FGGY: variants seen among roughly 807,000 people sequenced by gnomAD.
FGGY encodes the protein FGGY carbohydrate kinase domain containing.
FGGY carries 72 observed loss-of-function variants against 71.3 expected under a neutral mutation model. That is an observed-to-expected ratio of 1.01 (90% CI 0.84 to 1.23). The LOEUF (loss-of-function observed/expected upper bound fraction) is 1.23, where lower values mean the gene tolerates loss of function less well. Among genes scored for constraint, FGGY ranks in the 50% most tolerant of loss-of-function variants. The pLI, the probability that FGGY is intolerant of heterozygous loss-of-function variation, is 0.00. For missense variants in FGGY, 668 were observed against 682.3 expected, an observed-to-expected ratio of 0.98 and a Z score of 0.23; for synonymous variants, 251 against 250.3, an observed-to-expected ratio of 1.00 and a Z score of -0.02.
In FGGY at chr1:59,312,113, T is replaced by G. The variant is rs1570126256; in HGVS notation, c.-14-9423T>G. Among the ~76,000 whole-genome samples the G allele has an allele frequency of 8.5e-5, 13 of 152,356 alleles. No individual in the cohort carries two copies. The South Asian group carries it at 2.7e-3, about 32-fold the overall frequency. On this transcript the variant is annotated intron_variant, in intron 1 of 15. Transcript: ENST00000303721. Reference sequence around the variant, plus strand: ...TTGATGGGGTTGTTTCTTTTTGTCTTGCAAATTTGTTTAAGTTCCTTGTAA... The same window carrying G: ...TTGATGGGGTTGTTTCTTTTTGTCTGGCAAATTTGTTTAAGTTCCTTGTAA...
At position 59,671,260 on chromosome 1, in the gene FGGY, C is replaced by T. The variant is rs559120597; in HGVS notation, c.1418-2779C>T. Among the ~76,000 whole-genome samples, 532 of 152,316 alleles carry T rather than the reference C, an allele frequency of 3.5e-3. 1 individual carries two copies. The highest frequency in any genetic ancestry group is 0.012 in the African/African-American group (519 of 41,566). ...GGTCCAGGCAGGGAACAGATACACACTCCAGTTAGGTTAACCGGAGGGAAG... is the reference window on the plus strand; with the variant it reads ...GGTCCAGGCAGGGAACAGATACACATTCCAGTTAGGTTAACCGGAGGGAAG... On this transcript the variant is annotated intron_variant, in intron 13 of 15. Coordinates refer to ENST00000303721, the MANE Select transcript of FGGY (RefSeq NM_018291.5).
chr1:59,590,220 C>T (rs538104102), intron 8 of FGGY, among the ~76,000 whole-genome samples: 49 of 152,266 alleles, frequency 3.2e-4, no homozygotes, highest in African/African-American at 1.1e-3. Flanking sequence ...CACATACACC[C>T]TCCCAAGCCT....
intron 14 of FGGY, among the ~76,000 whole-genome samples, chr1:59,757,594 A>G (rs2098303768): frequency 1.3e-5 from 2 of 152,192 alleles, no homozygotes; most frequent in East Asian, 1.9e-4. Context: ...CTGTGTCCAG[A>G]TAGTGAGGAG....
chr1:59,731,455 C>T (rs1048331782), intron 14 of FGGY, among the ~76,000 whole-genome samples: 18 of 152,134 alleles, frequency 1.2e-4, no homozygotes, highest in Admixed American at 1.3e-4. Context: ...AGGAAGCTGA[C>T]GCCATGAGTC....
intron 15 of FGGY, among the ~76,000 whole-genome samples, chr1:59,760,064 C>T (rs145580957): frequency 1.2e-3 from 189 of 152,118 alleles, no homozygotes; most frequent in African/African-American, 4.4e-3. Context: ...GATTGATATC[C>T]AGAATATATA....
At chr1:59,472,410 C>G (rs113077533) in intron 6 of FGGY, among the ~76,000 whole-genome samples, 1 of 152,294 alleles carries the variant, frequency 6.6e-6, no homozygotes, top group East Asian at 1.9e-4. Flanking sequence ...CCCTGACGAG[C>G]GCCGCCCCCT....
intron 4 of FGGY, among the ~76,000 whole-genome samples, chr1:59,353,634 A>G (rs887809336): frequency 3.3e-5 from 5 of 152,252 alleles, no homozygotes; most frequent in African/African-American, 1.2e-4. Context: ...CAGTGCCGCC[A>G]GTCTCAGAAT....
At chr1:59,567,001 T>A (rs1352993877) in intron 8 of FGGY, among the ~76,000 whole-genome samples, 1 of 152,112 alleles carries the variant, frequency 6.6e-6, no homozygotes, top group African/African-American at 2.4e-5. Flanking sequence ...ACCTGACACA[T>A]AATAGGTGTC....
intron 5 of FGGY, among the ~76,000 whole-genome samples, chr1:59,402,847 A>G (rs573487154): frequency 6.6e-6 from 1 of 152,114 alleles, no homozygotes; most frequent in Non-Finnish European, 1.5e-5. Flanking sequence ...AGGGTCATGG[A>G]AAAGGCTTCA....
intron 14 of FGGY, among the ~76,000 whole-genome samples, chr1:59,730,307 CTTT>C (rs35424239): frequency 2.2e-4 from 31 of 139,144 alleles, no homozygotes; most frequent in Non-Finnish European, 3.3e-4. Context: ...AGTTTCTTAG[CTTT>C]TTTTTTTTTT....
chr1:59,636,158 G>A (rs996807434), intron 10 of FGGY, among the ~76,000 whole-genome samples: 1 of 152,114 alleles, frequency 6.6e-6, no homozygotes, highest in African/African-American at 2.4e-5. Flanking sequence ...ACTGCTGGTA[G>A]GTAGGGCGGT....
chr1:59,387,501 G>A (rs1278193442), intron 5 of FGGY, among the ~76,000 whole-genome samples: 1 of 151,948 alleles, frequency 6.6e-6, no homozygotes, highest in Non-Finnish European at 1.5e-5. Flanking sequence ...GACAATTAGT[G>A]TTATATATTT....
chr1:59,430,457 C>T (rs544741491), intron 5 of FGGY, among the ~76,000 whole-genome samples: 1 of 152,206 alleles, frequency 6.6e-6, no homozygotes, highest in Admixed American at 6.5e-5. Context: ...ATGTCTTTTG[C>T]AGGTGTCAGG....
rs57872202 is a variant in FGGY at position 59,467,617 on chromosome 1, T to A, written c.670+10541T>A. On this transcript the variant is annotated intron_variant, in intron 6 of 15. Coordinates refer to ENST00000303721, the MANE Select transcript of FGGY (RefSeq NM_018291.5). ...GTAATTCCTTTTATTATAGAGTTAC[T>A]ACAATAATTGTCTTTTACTGCCTCT... 5.7e-3 allele frequency among the ~76,000 whole-genome samples: 868 copies of A among 152,282 alleles called. 7 individuals are homozygous for A. The highest frequency in any genetic ancestry group is 0.02 in the African/African-American group (839 of 41,566).
At chr1:59,669,351 C>G (rs1010110417) in intron 13 of FGGY, among the ~76,000 whole-genome samples, 8 of 152,062 alleles carry the variant, frequency 5.3e-5, no homozygotes, top group African/African-American at 1.9e-4. Context: ...CGCCACTTTC[C>G]TGAGATGTCC....
At chr1:59,340,519 G>A (rs1188492634) in intron 3 of FGGY, among the ~76,000 whole-genome samples, 1 of 152,196 alleles carries the variant, frequency 6.6e-6, no homozygotes, top group African/African-American at 2.4e-5. Context: ...ACAGATAGAA[G>A]GTAGAAGCAG....
At chr1:59,548,648 A>G (rs565047721) in intron 7 of FGGY, among the ~76,000 whole-genome samples, 4 of 152,352 alleles carry the variant, frequency 2.6e-5, no homozygotes, top group African/African-American at 9.6e-5. Context: ...ACCGTTCAAT[A>G]TAATATCCAC....
chr1:59,534,428 C>T (rs2095255384), intron 7 of FGGY, among the ~76,000 whole-genome samples: 1 of 152,150 alleles, frequency 6.6e-6, no homozygotes, highest in Admixed American at 6.5e-5. Context: ...TCCAGGAGAA[C>T]TCCCCCAATC....
intron 6 of FGGY, among the ~76,000 whole-genome samples, chr1:59,479,832 C>T (rs908875831): frequency 2.6e-5 from 4 of 152,162 alleles, no homozygotes; most frequent in Non-Finnish European, 5.9e-5. Context: ...TGATTTTCTC[C>T]AGCAGCACTC....
Sources: allele counts gnomAD v4.1 joint callset (sites outside exome capture counted in the v4.1 genomes callset), GRCh38; gene constraint gnomAD v4.1.1; transcripts MANE v1.5; gene names NCBI Gene and HGNC (gene_info 2026-07-23, HGNC 2026-07-21).